The following ZNF138 variants were observed in gnomAD, a reference collection of about 807,000 sequenced individuals.
ZNF138 encodes zinc finger protein 138 (clone pHZ-32).
A neutral mutation model predicts 33.0 loss-of-function variants in ZNF138; 33 were observed. The ratio of observed to expected loss-of-function variants is 1.00; its 90% confidence interval spans 0.76 to 1.34. The LOEUF (loss-of-function observed/expected upper bound fraction) is 1.34, where lower values mean the gene tolerates loss of function less well. Ranked by LOEUF, ZNF138 falls within the 40% of genes most tolerant of loss-of-function variation. The probability of loss-of-function intolerance (pLI) is 0.00; values close to 1 mark genes in which losing one functional copy is unlikely to be tolerated. For synonymous variants in ZNF138, 139 were observed against 120.4 expected, an observed-to-expected ratio of 1.15 and a Z score of -1.01; for missense variants, 360 against 370.8, an observed-to-expected ratio of 0.97 and a Z score of 0.24.
chr7:64,836,058 G>GC (rs1790356365), downstream of ZNF138: 5 of 152,196 alleles, frequency 3.3e-5, no homozygotes, highest in Admixed American at 3.3e-4. Context: ...ACCAGAAGTA[G>GC]CCTCCGGGTG....
At chr7:64,818,608 C>A (rs182408246) in intron 3 of ZNF138, among the ~76,000 whole-genome samples, 1 of 151,720 alleles carries the variant, frequency 6.6e-6, no homozygotes, top group African/African-American at 2.4e-5. Context: ...AAATTAGCTG[C>A]GCATGGTGTC....
the ZNF138 span, among the ~76,000 whole-genome samples, chr7:64,845,966 ATTC>A: frequency 1.3e-4 from 20 of 152,286 alleles, no homozygotes; most frequent in Admixed American, 1.0e-3. Context: ...ATCCAGTTTT[ATTC>A]TTCTACATGT....
downstream of ZNF138, chr7:64,835,508 C>G (rs1790341549): frequency 6.6e-6 from 1 of 151,516 alleles, no homozygotes; most frequent in Admixed American, 6.6e-5. Flanking sequence ...GTGAAAACCA[C>G]CAAGAAGGAC....
At chr7:64,838,415 C>CCA (rs60410485), downstream of ZNF138, among the ~76,000 whole-genome samples, 149,830 of 152,046 alleles carry the variant, frequency 0.99, 73,864 homozygotes, top group East Asian at 1. Flanking sequence ...ACCGGCTGGC[C>CCA]GTGTCCTGAG....
At chr7:64,841,703 C>T in the ZNF138 span, among the ~76,000 whole-genome samples, 150,120 of 152,338 alleles carry the variant, frequency 0.99, 74,008 homozygotes, top group East Asian at 1. Context: ...CTTTTTTCTA[C>T]GTGATTGCTA....
At chr7:64,828,388 T>C (rs1162076191) in intron 3 of ZNF138, among the ~76,000 whole-genome samples, 2 of 152,166 alleles carry the variant, frequency 1.3e-5, no homozygotes, top group African/African-American at 4.8e-5. Flanking sequence ...CTATTTTGTT[T>C]CCTGATTCTA....
intron 3 of ZNF138, among the ~76,000 whole-genome samples, chr7:64,819,884 G>A (rs1444417038): frequency 6.6e-6 from 1 of 151,000 alleles, no homozygotes; most frequent in African/African-American, 2.5e-5. Context: ...ACCAGCCCGG[G>A]AAACATGGAG....
chr7:64,807,698 G>A (rs4718117), intron 1 of ZNF138, among the ~76,000 whole-genome samples: 150,151 of 152,354 alleles, frequency 0.99, 74,028 homozygotes, highest in East Asian at 1. Context: ...CATTTTCTGC[G>A]TTGTGAGATG....
the ZNF138 span, among the ~76,000 whole-genome samples, chr7:64,839,915 G>T: frequency 6.6e-6 from 1 of 152,008 alleles, no homozygotes; most frequent in Non-Finnish European, 1.5e-5. Context: ...TCACTGGTCC[G>T]CAGCGGGAGG....
chr7:64,803,017 C>T (rs1787277836), intron 1 of ZNF138, among the ~76,000 whole-genome samples: 1 of 152,056 alleles, frequency 6.6e-6, no homozygotes, highest in African/African-American at 2.4e-5. Context: ...CTCAATATCT[C>T]ACTGTAGGAG....
downstream of ZNF138, chr7:64,835,961 A>G (rs3983288): frequency 0.99 from 150,096 of 152,316 alleles, 73,994 homozygotes; most frequent in East Asian, 1. Flanking sequence ...TCCTGACTAT[A>G]TAGGGTCAGG....
intron 3 of ZNF138, among the ~76,000 whole-genome samples, chr7:64,826,470 G>C (rs1279387406): frequency 6.6e-6 from 1 of 152,098 alleles, no homozygotes; most frequent in South Asian, 2.1e-4. Flanking sequence ...TAGTAGAGAC[G>C]GGGTTTCTCC....
chr7:64,822,767 A>G (rs938075585), intron 3 of ZNF138, among the ~76,000 whole-genome samples: 2 of 152,186 alleles, frequency 1.3e-5, no homozygotes, highest in African/African-American at 4.8e-5. Flanking sequence ...ATCAAATTTA[A>G]AAATTTTAAA....
the ZNF138 span, among the ~76,000 whole-genome samples, chr7:64,839,777 G>C: frequency 6.6e-6 from 1 of 152,122 alleles, no homozygotes; most frequent in African/African-American, 2.4e-5. Flanking sequence ...CCTCTGGGGG[G>C]CTTAGGAGGT....
chr7:64,839,025 C>T, the ZNF138 span, among the ~76,000 whole-genome samples: 1 of 152,118 alleles, frequency 6.6e-6, no homozygotes, highest in Non-Finnish European at 1.5e-5. Context: ...GAAGGCTAGC[C>T]AGAGGGACTT....
At chr7:64,841,505 G>A in the ZNF138 span, among the ~76,000 whole-genome samples, 3 of 152,266 alleles carry the variant, frequency 2.0e-5, no homozygotes, top group Non-Finnish European at 2.9e-5. Flanking sequence ...AGTTCAAGTC[G>A]GAGAGGGAAA....
At position 64,832,083 on chromosome 7, in the gene ZNF138, T is replaced by A; in HGVS notation, c.841T>A (p.Cys281Ser). The change falls in exon 4 of 4, where the codon TGT becomes AGT. Residue 281 changes from cysteine (C) to serine (S), a missense_variant. Transcript: ENST00000307355. Reference protein sequence around the residue: ...IIHTEEKPYKCEQCGKVFKQS... With the variant: ...IIHTEEKPYKSEQCGKVFKQS... ...TCATACTGAAGAGAAACCCTACAAA[T>A]GTGAACAATGTGGCAAGGTCTTTAA... 1 of 1,613,824 alleles carries A rather than the reference T, an allele frequency of 6.2e-7. No homozygotes were observed.
At chr7:64,822,464 T>C (rs1376251504) in intron 3 of ZNF138, among the ~76,000 whole-genome samples, 1 of 151,534 alleles carries the variant, frequency 6.6e-6, no homozygotes, top group Non-Finnish European at 1.5e-5. Flanking sequence ...AAAAAAATAT[T>C]TTTTGTATGT....
At chr7:64,851,819 A>C in the ZNF138 span, among the ~76,000 whole-genome samples, 15 of 152,242 alleles carry the variant, frequency 9.9e-5, no homozygotes. Flanking sequence ...GCAGTGAAGC[A>C]CTTGCCGTGT....
Sources: allele counts gnomAD v4.1 joint callset (sites outside exome capture counted in the v4.1 genomes callset), GRCh38; gene constraint gnomAD v4.1.1; transcripts MANE v1.5; gene names NCBI Gene and HGNC (gene_info 2026-07-23, HGNC 2026-07-21).